ERG: variants seen among roughly 807,000 people sequenced by gnomAD.
ERG encodes the protein transcriptional regulator ERG.
A neutral mutation model predicts 55.3 loss-of-function variants in ERG; 9 were observed. That is an observed-to-expected ratio of 0.16 (90% CI 0.10 to 0.28). ERG has a LOEUF of 0.28. Ranked by LOEUF, ERG falls within the 10% of genes least tolerant of loss-of-function variation. ERG has a pLI of 1.00. For missense variants in ERG, 434 were observed against 631.6 expected (o/e 0.69, Z 3.35); for synonymous variants, 223 against 237.3 (o/e 0.94, Z 0.55).
chr21:38,422,368 C>G (rs1319417772), intron 3 of ERG, among the ~76,000 whole-genome samples: 1 of 152,258 alleles, frequency 6.6e-6, no homozygotes. Flanking sequence ...CAGGCAGAGA[C>G]TAAAGGAGTA....
chr21:38,575,212 C>A (rs905767458), intron 2 of ERG, among the ~76,000 whole-genome samples: 1 of 152,160 alleles, frequency 6.6e-6, no homozygotes, highest in African/African-American at 2.4e-5. Flanking sequence ...CTCCTGCTCG[C>A]TAACCCCAGG....
chr21:38,532,903 T>C (rs1278886874), intron 2 of ERG, among the ~76,000 whole-genome samples: 3 of 152,244 alleles, frequency 2.0e-5, no homozygotes, highest in Non-Finnish European at 4.4e-5. Context: ...CCCAGTGCTG[T>C]ATCAGTTCTC....
the ERG span, among the ~76,000 whole-genome samples, chr21:38,373,371 A>G: frequency 6.6e-6 from 1 of 152,208 alleles, no homozygotes; most frequent in African/African-American, 2.4e-5. Flanking sequence ...AAACTACTCT[A>G]CCTTGGGCTT....
At chr21:38,466,388 A>C (rs1270401302) in intron 1 of ERG, among the ~76,000 whole-genome samples, 1 of 150,954 alleles carries the variant, frequency 6.6e-6, no homozygotes, top group Non-Finnish European at 1.5e-5. Context: ...TATATAAATC[A>C]TCTCATCTTG....
intron 2 of ERG, among the ~76,000 whole-genome samples, chr21:38,530,393 C>A (rs1411293567): frequency 6.6e-6 from 1 of 152,164 alleles, no homozygotes; most frequent in Non-Finnish European, 1.5e-5. Context: ...TGATTGTGTT[C>A]TCTTCAAATA....
chr21:38,573,724 GGCCGGT>G (rs1471696962), intron 2 of ERG, among the ~76,000 whole-genome samples: 1 of 152,192 alleles, frequency 6.6e-6, no homozygotes. Flanking sequence ...GGAACTCAGA[GGCCGGT>G]GCCGGTGCAG....
At chr21:38,564,601 A>C (rs2059911880) in intron 2 of ERG, among the ~76,000 whole-genome samples, 1 of 150,492 alleles carries the variant, frequency 6.6e-6, no homozygotes, top group African/African-American at 2.5e-5. Context: ...TTTTTTGTTC[A>C]TATTCACTGC....
intron 1 of ERG, among the ~76,000 whole-genome samples, chr21:38,633,170 A>C (rs558011822): frequency 6.6e-6 from 1 of 152,334 alleles, no homozygotes; most frequent in Admixed American, 6.5e-5. Flanking sequence ...TAATGTATCT[A>C]AGGGAGTGAA....
In ERG at chr21:38,396,864, G is replaced by A. The variant is rs534347749; in HGVS notation, c.745+3710C>T. Among the ~76,000 whole-genome samples, 31 of 152,248 alleles carry A rather than the reference G, an allele frequency of 2.0e-4. No individual in the cohort carries two copies. In the South Asian group the frequency reaches 3.3e-3, roughly 16 times the overall value. ...GGTACAGAAAGGGATTCTGGTCGTAGTAACTGCAACAACGTGAGAAACACG... is the reference window on the plus strand; with the variant it reads ...GGTACAGAAAGGGATTCTGGTCGTAATAACTGCAACAACGTGAGAAACACG... On this transcript the variant is annotated intron_variant, in intron 6 of 9. Transcript: ENST00000288319.
intron 1 of ERG, among the ~76,000 whole-genome samples, chr21:38,474,707 A>G (rs2059171321): frequency 6.8e-6 from 1 of 146,228 alleles, no homozygotes; most frequent in South Asian, 2.2e-4. Context: ...ATAAACAAAC[A>G]AATACGGTGA....
chr21:38,403,421 C>T (rs1223176698), intron 4 of ERG, 85 bp downstream of exon 4: 18 of 1,345,884 alleles, frequency 1.3e-5, no homozygotes, highest in South Asian at 1.3e-4. Flanking sequence ...AGGATGCTGT[C>T]GACACACCTG....
chr21:38,531,848 G>A lies in ERG; in HGVS notation c.-41+43814C>T, dbSNP rs1212658707. Among the ~76,000 whole-genome samples, 3 of 152,264 alleles carry A rather than the reference G, an allele frequency of 2.0e-5. No individual in the cohort carries two copies. The East Asian group carries it at 5.8e-4, about 29-fold the overall frequency. The stretch of plus-strand genomic sequence containing the variant: ...CATCAGGGCTTGGCGAGCTCCAGGA[G>A]TCAAATTCAGACAGAACCCAAGTGC... On this transcript the variant is annotated intron_variant, in intron 2 of 8. Coordinates refer to the ERG transcript ENST00000398897.
upstream of ERG, among the ~76,000 whole-genome samples, chr21:38,586,797 A>G (rs544555220): frequency 2.6e-4 from 40 of 152,390 alleles, 1 homozygote; most frequent in African/African-American, 8.7e-4. Context: ...GATCCAAAGA[A>G]AATGGAAAAT....
At chr21:38,581,769 C>A (rs967452088) in intron 1 of ERG, among the ~76,000 whole-genome samples, 18 of 152,114 alleles carry the variant, frequency 1.2e-4, no homozygotes, top group African/African-American at 4.3e-4. Flanking sequence ...GGCGGCCAGG[C>A]GCGGTGGCTC....
chr21:38,523,658 C>A (rs375770765), intron 2 of ERG, among the ~76,000 whole-genome samples: 7 of 152,166 alleles, frequency 4.6e-5, no homozygotes, highest in African/African-American at 1.7e-4. Flanking sequence ...GTTACCCACA[C>A]GGAATTCTCA....
intron 2 of ERG, among the ~76,000 whole-genome samples, chr21:38,573,749 T>C (rs1312881979): frequency 6.6e-6 from 1 of 152,242 alleles, no homozygotes; most frequent in Non-Finnish European, 1.5e-5. Flanking sequence ...AGGTCCTTGG[T>C]ATGCTGAGCG....
chr21:38,430,352 A>G lies in ERG; in HGVS notation c.237-6791T>C, dbSNP rs556116279. Among the ~76,000 whole-genome samples the G allele has an allele frequency of 7.1e-4, 107 of 151,748 alleles. 1 individual carries two copies. Among genetic ancestry groups the G allele is most frequent in the African/African-American group, 2.5e-3 (102 of 41,378 alleles). On this transcript the variant is annotated intron_variant, in intron 2 of 9. Coordinates refer to ENST00000288319, the MANE Select transcript of ERG (RefSeq NM_182918.4). ...GCATAGTTTGCAAATATTTTCTTCC[A>G]CTCTGTGGGTTGTCTGTTTGCTGAT...
chr21:38,427,549 G>C (rs2024952668), intron 2 of ERG, among the ~76,000 whole-genome samples: 1 of 152,222 alleles, frequency 6.6e-6, no homozygotes. Context: ...AGGACTCACA[G>C]CCAGGAGGAG....
intron 2 of ERG, among the ~76,000 whole-genome samples, chr21:38,505,289 G>A (rs1486074693): frequency 6.6e-6 from 1 of 152,150 alleles, no homozygotes; most frequent in Non-Finnish European, 1.5e-5. Context: ...CGCAGTAACT[G>A]CTACATGGTA....
Sources: allele counts gnomAD v4.1 joint callset (sites outside exome capture counted in the v4.1 genomes callset), GRCh38; gene constraint gnomAD v4.1.1; transcripts MANE v1.5; gene names NCBI Gene and HGNC (gene_info 2026-07-23, HGNC 2026-07-21).